PLXNB2: variants seen among roughly 807,000 people sequenced by gnomAD.
PLXNB2 encodes the protein plexin B2.
PLXNB2 carries 85 observed loss-of-function variants against 202.6 expected under a neutral mutation model. That is an observed-to-expected ratio of 0.42 (90% CI 0.35 to 0.50). PLXNB2 has a LOEUF of 0.50. Ranked by LOEUF, PLXNB2 falls within the 20% of genes least tolerant of loss-of-function variation. PLXNB2 has a pLI of 0.02. For synonymous variants in PLXNB2, 1,239 were observed against 1,137.6 expected, an observed-to-expected ratio of 1.09 and a Z score of -1.79; for missense variants, 2,063 against 2,586.2, an observed-to-expected ratio of 0.80 and a Z score of 4.39.
intron 1 of PLXNB2, among the ~76,000 whole-genome samples, chr22:50,302,404 G>A (rs2067738594): frequency 6.6e-6 from 1 of 152,170 alleles, no homozygotes; most frequent in African/African-American, 2.4e-5. Flanking sequence ...GCCCCTGGAG[G>A]CCAGGTCCAG....
intron 30 of PLXNB2, 72 bp from the exon 31 acceptor site, chr22:50,278,343 C>A: frequency 1.9e-6 from 3 of 1,578,772 alleles, no homozygotes; most frequent in Non-Finnish European, 2.6e-6. Context: ...GCAGTGGTGG[C>A]AGGGTGGGCA....
intron 1 of PLXNB2, among the ~76,000 whole-genome samples, chr22:50,305,794 G>C (rs924307389): frequency 1.3e-5 from 2 of 152,116 alleles, no homozygotes; most frequent in Non-Finnish European, 2.9e-5. Context: ...TTCTCGGGGC[G>C]AGGGGGTCCC....
Position 50,289,293 on chromosome 22 carries a change from C to T in PLXNB2, c.1069-151G>A, listed in dbSNP as rs565257987. On this transcript the variant is annotated intron_variant, in intron 3 of 36. Coordinates refer to ENST00000359337, the MANE Select transcript of PLXNB2 (RefSeq NM_012401.4). This position sits in a 1 kb window ranked among gnomAD's most constrained non-coding sequence, Gnocchi z 8.0. The stretch of plus-strand genomic sequence containing the variant: ...GAACAGAACCCACATGGCAGGGAGC[C>T]CCACCGTGCTCACTGTTGTGTTCCC... The T allele has an allele frequency of 2.2e-6, 2 of 918,518 alleles. No individual in the cohort carries two copies. The highest frequency in any genetic ancestry group is 5.3e-5 in the East Asian group (2 of 37,636). 56.9% of individuals were successfully genotyped at this position (918,518 alleles called of 1,614,324 possible). A position where few individuals can be genotyped will look rare whatever the true frequency, so the allele number is the denominator to read the frequency against.
intron 8 of PLXNB2, among the ~76,000 whole-genome samples, chr22:50,286,537 G>A (rs957660952): frequency 2.6e-5 from 4 of 152,200 alleles, no homozygotes; most frequent in East Asian, 1.9e-4. Context: ...TTCGGGTGTC[G>A]GGCGCAGCAC....
rs200466172 is a variant in PLXNB2 at position 50,276,665 on chromosome 22, G to A, written c.5301C>T (p.Asp1767=). ...KGIRQMVQVS[D]QDMNTHLAEI... is the part of the protein sequence containing the mutation. The stretch of plus-strand genomic sequence containing the variant: ...CTGCCAGGTGTGTGTTCATGTCCTG[G>A]TCGCTGACCTGCACCATCTGCCGGA... Residue 1767 remains aspartate, a synonymous_variant, in exon 35 of 37, where the codon GAC becomes GAT. Transcript: ENST00000359337. The A allele has an allele frequency of 6.2e-7, 1 of 1,613,850 alleles. No individual in the cohort carries two copies.
In PLXNB2 at chr22:50,289,867, C is replaced by G; in HGVS notation, c.718G>C (p.Ala240Pro). ...CGTGCCAGCAGCGTGCGGTTCCGGG[C>G]CGGGTGCTTGTCCTGCTGGTTGAAG... ...FVFNQQDKHP[A>P]RNRTLLARMC... The change falls in exon 3 of 37, where the codon GCC becomes CCC. Residue 240 changes from alanine to proline, a missense_variant. Transcript: ENST00000359337. This position sits in a 1 kb window ranked among gnomAD's most constrained non-coding sequence, Gnocchi z 8.0. 6.2e-7 allele frequency: 1 copy of G among 1,613,250 alleles called. No homozygotes were observed. Among genetic ancestry groups the G allele is most frequent in the Non-Finnish European group, 8.5e-7 (1 of 1,180,024 alleles).
Position 50,305,554 on chromosome 22 carries a change from G to A in PLXNB2, c.-74+1999C>T, listed in dbSNP as rs566628801. Among the ~76,000 whole-genome samples the A allele has an allele frequency of 9.2e-4, 140 of 152,364 alleles. 2 individuals carry two copies. Among genetic ancestry groups the A allele is most frequent in the Non-Finnish European group, 2.6e-4 (18 of 68,028 alleles). ...CATATCCAGAGGGGGTCGTAGGCAA[G>A]GACTGGCTGTCGGAGGGGCTTGGAG... On this transcript the variant is annotated intron_variant, in intron 1 of 36. Transcript: ENST00000359337.
Position 50,281,090 on chromosome 22 carries a change from T to C in PLXNB2, c.3762A>G (p.Thr1254=), listed in dbSNP as rs761787958. The C allele has an allele frequency of 3.1e-6, 5 of 1,612,414 alleles. No homozygotes were observed. The highest frequency in any genetic ancestry group is 1.1e-5 in the South Asian group (1 of 91,056). The change falls in exon 23 of 37, where the codon ACA becomes ACG. Residue 1254 remains threonine, a splice_region_variant and synonymous_variant. Transcript: ENST00000359337. ...SVRDRCKKEF[T]DLMIEMEDQT... ...CACCAGCCCCCAAGCGGTCCCTACC[T>C]GTGAATTCCTTCTTGCAGCGGTCCC...
Position 50,281,426 on chromosome 22 carries a change from C to A in PLXNB2, c.3596G>T (p.Ser1199Ile). 1 of 1,612,448 alleles carries A rather than the reference C, an allele frequency of 6.2e-7. No homozygotes were observed. Among genetic ancestry groups the A allele is most frequent in the Non-Finnish European group, 8.5e-7 (1 of 1,179,764 alleles). The change falls in exon 22 of 37, where the codon AGC becomes ATC. Residue 1199 changes from serine (S) to isoleucine (I), a missense_variant. Physicochemically the swap from Ser to Ile is moderately radical, Grantham distance 142. This residue lies in a region of PLXNB2 where 760 missense variants were observed against 1,109.4 expected (regional missense o/e 0.69). Transcript: ENST00000359337. Reference protein sequence around the residue: ...YDTRVSDVPLSLILPLVIVPM... With the variant: ...YDTRVSDVPLILILPLVIVPM... The stretch of plus-strand genomic sequence containing the variant: ...CACGATGACCAGCGGCAAGATGAGG[C>A]TGAGCGGCACGTCGCTCACCCGTGT...
In PLXNB2 at chr22:50,290,224, C is replaced by T. The variant is rs755165035; in HGVS notation, c.361G>A (p.Ala121Thr). Reference protein sequence around the residue: ...ECGSLFKGICALRALSNISLR... With the variant: ...ECGSLFKGICTLRALSNISLR... ...GAGATGTTGCTCAGGGCGCGCAGAG[C>T]GCAGATGCCCTTGAAGAGGCTGCCG... The change falls in exon 3 of 37, where the codon GCT becomes ACT. Residue 121 changes from alanine to threonine, a missense_variant. Ala to Thr is a moderately conservative substitution (Grantham distance 58). Transcript: ENST00000359337. 1.3e-5 allele frequency: 21 copies of T among 1,612,044 alleles called. No individual in the cohort carries two copies. The highest frequency in any genetic ancestry group is 1.6e-4 in the Middle Eastern group (1 of 6,084).
In PLXNB2 at chr22:50,288,726, G is replaced by C; in HGVS notation, c.1380+17C>G. On this transcript the variant is annotated intron_variant, in intron 5 of 36. Transcript: ENST00000359337. The surrounding 1 kb of genome is among the most constrained non-coding windows in gnomAD (Gnocchi z 5.0). ...ACACTTGGCCTAGAGTGCTCTCCGG[G>C]GCTGCGTCTGGCTCACCTTGTCCTG... 1.9e-6 allele frequency: 3 copies of C among 1,612,304 alleles called. No homozygotes were observed. The highest frequency in any genetic ancestry group is 2.5e-6 in the Non-Finnish European group (3 of 1,179,778).
intron 1 of PLXNB2, among the ~76,000 whole-genome samples, chr22:50,304,402 CTGAG>C (rs2067812890): frequency 6.6e-6 from 1 of 152,206 alleles, no homozygotes; most frequent in Non-Finnish European, 1.5e-5. Context: ...GAGAAGGCTT[CTGAG>C]CCAGGAGGGC....
At position 50,290,177 on chromosome 22, in the gene PLXNB2, G is replaced by A. The variant is rs200224862; in HGVS notation, c.408C>T (p.Asp136=). Residue 136 remains aspartate (D), a synonymous_variant, in exon 3 of 37, where the codon GAC becomes GAT. Coordinates refer to ENST00000359337, the MANE Select transcript of PLXNB2 (RefSeq NM_012401.4). ...CCACGAAAGACTTCTCCCCGCTGCC[G>A]TCCTCGTAGAACAGGCGGAGGGAGA... ...SNISLRLFYE[D]GSGEKSFVAS... 2.9e-5 allele frequency: 47 copies of A among 1,612,712 alleles called. No individual in the cohort carries two copies. The Middle Eastern group carries it at 9.9e-4, about 34-fold the overall frequency.
At chr22:50,279,497 G>T in intron 27 of PLXNB2, 133 bp downstream of exon 27, 1 of 881,980 alleles carries the variant, frequency 1.1e-6, no homozygotes, top group Non-Finnish European at 1.8e-6. Context: ...CCGAGTTAGA[G>T]CAGGCTGTAA....
chr22:50,276,223 C>T (rs1284531839), intron 35 of PLXNB2, among the ~76,000 whole-genome samples: 1 of 151,948 alleles, frequency 6.6e-6, no homozygotes, highest in East Asian at 1.9e-4. Flanking sequence ...GTGCTGTGAG[C>T]AGGGCTGTGG....
At position 50,280,873 on chromosome 22, in the gene PLXNB2, G is replaced by A. The variant is rs1438358786; in HGVS notation, c.3864C>T (p.Pro1288=). 2 of 1,613,576 alleles carry A rather than the reference G, an allele frequency of 1.2e-6. No homozygotes were observed. Among genetic ancestry groups the A allele is most frequent in the Non-Finnish European group, 1.7e-6 (2 of 1,179,972 alleles). The part of the protein sequence containing the change: ...KTYTDRVFFL[P]SKDGDKDVMI... ...TCACGTCCTTGTCGCCGTCCTTGGAGGGCAGGAAGAAGACGCGGTCGGTGT... is the reference window on the plus strand; with the variant it reads ...TCACGTCCTTGTCGCCGTCCTTGGAAGGCAGGAAGAAGACGCGGTCGGTGT... The change falls in exon 24 of 37, where the codon CCC becomes CCT. Residue 1288 remains proline, a synonymous_variant. Coordinates refer to ENST00000359337, the MANE Select transcript of PLXNB2 (RefSeq NM_012401.4).
At chr22:50,281,041 T>A in intron 23 of PLXNB2, 48 bp downstream of exon 23, 2 of 1,600,654 alleles carry the variant, frequency 1.2e-6, no homozygotes, top group Non-Finnish European at 1.7e-6. Context: ...ACACACAGCA[T>A]CCCCGCCCCA....
intron 8 of PLXNB2, 51 bp from the exon 9 acceptor site, chr22:50,286,338 G>A: frequency 7.7e-7 from 1 of 1,302,832 alleles, no homozygotes; most frequent in East Asian, 2.3e-5. Flanking sequence ...AGGGCCGAGG[G>A]CCAGGCTGGG....
In PLXNB2 at chr22:50,280,893, C is replaced by G; in HGVS notation, c.3844G>C (p.Asp1282His). Residue 1282 changes from aspartate to histidine, a missense_variant, in exon 24 of 37, where the codon GAC becomes CAC. Asp to His is a moderately conservative substitution (Grantham distance 81, BLOSUM62 -1). This residue lies in a region of PLXNB2 where 760 missense variants were observed against 1,109.4 expected (regional missense o/e 0.69). Coordinates refer to ENST00000359337, the MANE Select transcript of PLXNB2 (RefSeq NM_012401.4). ...IPVLDYKTYTDRVFFLPSKDG... is the reference protein window; with the variant it reads ...IPVLDYKTYTHRVFFLPSKDG... The stretch of plus-strand genomic sequence containing the variant: ...TTGGAGGGCAGGAAGAAGACGCGGT[C>G]GGTGTAGGTCTTGTAGTCCAGCACG... 6.2e-7 allele frequency: 1 copy of G among 1,613,530 alleles called. No individual in the cohort carries two copies. The highest frequency in any genetic ancestry group is 8.5e-7 in the Non-Finnish European group (1 of 1,179,960).
Sources: allele counts gnomAD v4.1 joint callset (sites outside exome capture counted in the v4.1 genomes callset), GRCh38; gene constraint gnomAD v4.1.1; regional missense constraint gnomAD v4.1.1; non-coding constraint Gnocchi (gnomAD v3.1); transcripts MANE v1.5; gene names NCBI Gene and HGNC (gene_info 2026-07-23, HGNC 2026-07-21).